PCLO: variants seen among roughly 807,000 people sequenced by gnomAD.
The protein encoded by PCLO is protein piccolo.
PCLO carries 82 observed loss-of-function variants against 427.5 expected under a neutral mutation model. The observed-to-expected ratio is 0.19, with a 90% confidence interval of 0.16 to 0.23. The LOEUF (loss-of-function observed/expected upper bound fraction) is 0.23. PCLO is among the 10% of genes least tolerant of loss of function. The pLI is 1.00. For synonymous variants in PCLO, 2,357 were observed against 2,155.4 expected (o/e 1.09, Z -2.59); for missense variants, 6,239 against 6,115.9 (o/e 1.02, Z -0.67).
Position 82,846,619 on chromosome 7 carries a change from T to C in PCLO, c.13779A>G (p.Leu4593=), listed in dbSNP as rs369443105. Residue 4593 remains leucine, a synonymous_variant, in exon 12 of 25, where the codon CTA becomes CTG. Coordinates refer to ENST00000333891, the MANE Select transcript of PCLO (RefSeq NM_033026.6). Reference sequence around the variant, plus strand: ...GATGCTGGGAATTTTCAGAATCTGATAGCATATTGAGGTCCCTAAAAATTA... The same window carrying C: ...GATGCTGGGAATTTTCAGAATCTGACAGCATATTGAGGTCCCTAAAAATTA... ...EICVRLDLNM[L]SDSENSQHLE... 39 of 1,605,556 alleles carry C rather than the reference T, an allele frequency of 2.4e-5. No homozygotes were observed. Among genetic ancestry groups the C allele is most frequent in the Non-Finnish European group, 3.1e-5 (37 of 1,174,948 alleles).
At chr7:82,888,149 T>C (rs1191715342) in intron 9 of PCLO, among the ~76,000 whole-genome samples, 1 of 152,050 alleles carries the variant, frequency 6.6e-6, no homozygotes, top group Non-Finnish European at 1.5e-5. Context: ...AAAAGCCATC[T>C]TATATGAGAA....
At chr7:82,872,398 C>A (rs1052090631) in intron 10 of PCLO, among the ~76,000 whole-genome samples, 4 of 151,762 alleles carry the variant, frequency 2.6e-5, no homozygotes, top group Admixed American at 6.6e-5. Context: ...ATGAAAGCAA[C>A]AATGGGAAAC....
In PCLO at chr7:82,805,642, C is replaced by A. The variant is rs757839556; in HGVS notation, c.14933+46G>T. ...TGTTAACTGTTGAGAATGCCTTACT[C>A]ATGATGCTGAGTAAGCTTTGTAGTA... On this transcript the variant is annotated intron_variant, in intron 21 of 24. Transcript: ENST00000333891. 2.5e-5 allele frequency: 40 copies of A among 1,585,572 alleles called. 1 individual carries two copies. In the South Asian group the frequency reaches 4.5e-4, roughly 18 times the overall value.
Position 82,954,340 on chromosome 7 carries a change from T to C in PCLO, c.6613A>G (p.Ser2205Gly). 1 of 1,613,806 alleles carries C rather than the reference T, an allele frequency of 6.2e-7. No individual in the cohort carries two copies. The highest frequency in any genetic ancestry group is 8.5e-7 in the Non-Finnish European group (1 of 1,179,726). ...GGCTCTGTATAAACTGTGGTTATGC[T>C]ATCCAGGGTAGTAATGGGTGAAGAG... ...DSSSPITTLD[S>G]ITTVYTEPVD... is the part of the protein sequence containing the mutation. Residue 2205 changes from serine (S) to glycine (G), a missense_variant, in exon 5 of 25, where the codon AGC becomes GGC. Physicochemically the swap from Ser to Gly is moderately conservative, Grantham distance 56. Around this residue, in one of 5 missense-constraint regions of PCLO, gnomAD observed 4,677 missense variants for 4,468.4 expected, o/e 1.05. Transcript: ENST00000333891.
At chr7:83,151,056 G>T (rs550103165) in intron 2 of PCLO, among the ~76,000 whole-genome samples, 3 of 152,244 alleles carry the variant, frequency 2.0e-5, no homozygotes, top group African/African-American at 7.2e-5. Context: ...GAAGCTTACA[G>T]CCTCTCTCTA....
intron 3 of PCLO, among the ~76,000 whole-genome samples, chr7:82,968,996 T>C (rs937112839): frequency 7.9e-5 from 12 of 152,184 alleles, no homozygotes; most frequent in Admixed American, 5.2e-4. Context: ...TTTCATGCCA[T>C]TGGAAATTTT....
Position 83,029,341 on chromosome 7 carries a change from C to A in PCLO, c.3301-62854G>T, listed in dbSNP as rs1160798510. The stretch of plus-strand genomic sequence containing the variant: ...TTCTCAAAAGAAGACATTTATGCAG[C>A]AAAAAAACACATGAAAAAATGCTCA... On this transcript the variant is annotated intron_variant, in intron 3 of 24. Coordinates refer to ENST00000333891, the MANE Select transcript of PCLO (RefSeq NM_033026.6). Among the ~76,000 whole-genome samples, 15 of 151,494 alleles carry A rather than the reference C, an allele frequency of 9.9e-5. No homozygotes were observed. The South Asian group carries it at 2.1e-3, about 21-fold the overall frequency.
chr7:83,030,119 G>C (rs913167854), intron 3 of PCLO, among the ~76,000 whole-genome samples: 2 of 104,608 alleles, frequency 1.9e-5, no homozygotes, highest in East Asian at 2.8e-4. Flanking sequence ...AATAATAAAA[G>C]AAAAAAAAAA....
At chr7:83,055,926 T>C (rs1439001770) in intron 3 of PCLO, among the ~76,000 whole-genome samples, 1 of 152,154 alleles carries the variant, frequency 6.6e-6, no homozygotes, top group Non-Finnish European at 1.5e-5. Context: ...GGGTGGGTGC[T>C]GCTATGATCT....
At chr7:82,878,150 T>C (rs1359979936) in intron 10 of PCLO, among the ~76,000 whole-genome samples, 1 of 152,190 alleles carries the variant, frequency 6.6e-6, no homozygotes, top group African/African-American at 2.4e-5. Flanking sequence ...ATGATGTTAC[T>C]GAATTTGAAG....
At chr7:82,989,370 C>T (rs1049789299) in intron 3 of PCLO, among the ~76,000 whole-genome samples, 4 of 151,646 alleles carry the variant, frequency 2.6e-5, no homozygotes, top group Admixed American at 2.6e-4. Context: ...TCTTTGGGGG[C>T]AGAAAAGAAA....
At chr7:82,962,127 T>A (rs1358419303) in intron 4 of PCLO, among the ~76,000 whole-genome samples, 1 of 152,204 alleles carries the variant, frequency 6.6e-6, no homozygotes, top group East Asian at 1.9e-4. Context: ...CTGCATCTAT[T>A]ATTGCTAATA....
intron 20 of PCLO, chr7:82,820,821 G>A (rs1791773135): frequency 8.1e-7 from 1 of 1,230,684 alleles, no homozygotes; most frequent in South Asian, 4.1e-5. Context: ...GAACAGATTA[G>A]GTTAGTAGCA....
chr7:82,861,925 A>G (rs1269315951), intron 10 of PCLO, among the ~76,000 whole-genome samples: 1 of 151,994 alleles, frequency 6.6e-6, no homozygotes, highest in African/African-American at 2.4e-5. Flanking sequence ...GAAACAAACG[A>G]TAATGGAAAC....
chr7:83,068,416 AAAAC>A (rs1249227529), intron 3 of PCLO, among the ~76,000 whole-genome samples: 5 of 152,162 alleles, frequency 3.3e-5, no homozygotes, highest in Non-Finnish European at 1.5e-5. Flanking sequence ...TAACAAAAAC[AAAAC>A]AAACAAAAAA....
intron 10 of PCLO, among the ~76,000 whole-genome samples, chr7:82,865,547 T>G (rs998944100): frequency 6.6e-6 from 1 of 151,966 alleles, no homozygotes; most frequent in African/African-American, 2.4e-5. Flanking sequence ...TATGGTATAT[T>G]TCCTACTAAA....
chr7:82,847,396 C>G lies in PCLO; in HGVS notation c.13655-149G>C, dbSNP rs1189751961. 3 of 575,160 alleles carry G rather than the reference C, an allele frequency of 5.2e-6. No individual in the cohort carries two copies. The African/African-American group carries it at 5.7e-5, about 11-fold the overall frequency. 35.6% of individuals were successfully genotyped at this position (575,160 alleles called of 1,614,324 possible). ...TTCCAAGTTCTCTGCAACATTAATA[C>G]CAAAACCATTATGTAGTTTGATCTC... is the stretch of plus-strand genomic sequence containing the variant. On this transcript the variant is annotated intron_variant, in intron 10 of 24. Transcript: ENST00000333891.
At chr7:82,815,960 T>A (rs996259103) in intron 20 of PCLO, among the ~76,000 whole-genome samples, 1 of 152,144 alleles carries the variant, frequency 6.6e-6, no homozygotes, top group South Asian at 2.1e-4. Context: ...AACACCCCGA[T>A]CAAAATTTTA....
chr7:82,761,322 AT>A, intron 23 of PCLO, 36 bp downstream of exon 23: 1 of 1,221,368 alleles, frequency 8.2e-7, no homozygotes, highest in South Asian at 1.5e-5. Context: ...CCCTAAAAAA[AT>A]CTAGATATAT....
Sources: gnomAD v4.1 joint callset for allele counts (sites outside exome capture counted in the v4.1 genomes callset) on GRCh38, gnomAD v4.1.1 for gene constraint, gnomAD v4.1.1 regional missense constraint, MANE v1.5 for transcripts, NCBI Gene and HGNC (gene_info 2026-07-23, HGNC 2026-07-21) for gene names.